BOD1L1: variants seen among roughly 807,000 people sequenced by gnomAD.
BOD1L1 encodes biorientation of chromosomes in cell division 1 like 1.
In BOD1L1, 86 loss-of-function variants were observed where a neutral mutation model predicts 240.7. The observed-to-expected ratio is 0.36, with a 90% CI of 0.30 to 0.43. The LOEUF (loss-of-function observed/expected upper bound fraction) is 0.43. Ranked by LOEUF, BOD1L1 falls within the 20% of genes least tolerant of loss-of-function variation. The probability of loss-of-function intolerance (pLI) is 1.00; values close to 1 mark genes in which losing one functional copy is unlikely to be tolerated. For missense variants in BOD1L1, 3,554 were observed against 3,643.5 expected, an observed-to-expected ratio of 0.98 and a Z score of 0.63; for synonymous variants, 1,268 against 1,272.3, an observed-to-expected ratio of 1.00 and a Z score of 0.07.
Position 13,577,405 on chromosome 4 carries a change from G to C in BOD1L1, c.8882C>G (p.Ala2961Gly), listed in dbSNP as rs1351027019. ...TTAAGAATTTGCTAGAAACATACCA[G>C]CATCATCTGATACAGTGAGAGAACG... ...PKRSLTVSDD[A>G]ESSEPERKRQ... Residue 2961 changes from alanine to glycine, a missense_variant and splice_region_variant, in exon 24 of 26, where the codon GCT becomes GGT. Physicochemically the swap from Ala to Gly is moderately conservative, Grantham distance 60. Around this residue, in one of 2 missense-constraint regions of BOD1L1, gnomAD observed 3,393 missense variants for 3,427.1 expected, o/e 0.99. Transcript: ENST00000040738. 1.9e-6 allele frequency: 3 copies of C among 1,612,824 alleles called. No homozygotes were observed. Among genetic ancestry groups the C allele is most frequent in the South Asian group, 2.2e-5 (2 of 90,748 alleles).
At chr4:13,616,783 G>A (rs1716633432) in intron 2 of BOD1L1, among the ~76,000 whole-genome samples, 1 of 152,076 alleles carries the variant, frequency 6.6e-6, no homozygotes, top group Non-Finnish European at 1.5e-5. Context: ...GTGGGCCATA[G>A]AGAAAAATGA....
intron 2 of BOD1L1, among the ~76,000 whole-genome samples, chr4:13,617,182 T>C (rs1261539830): frequency 6.7e-6 from 1 of 149,360 alleles, no homozygotes; most frequent in African/African-American, 2.5e-5. Flanking sequence ...GAGGCAGAGA[T>C]TGCAGTGAGC....
rs1349598840 is a variant in BOD1L1, at chr4:13,602,279, T to C, written c.4621A>G (p.Thr1541Ala). The change falls in exon 10 of 26, where the codon ACT becomes GCT. Residue 1541 changes from threonine (T) to alanine (A), a missense_variant. This residue lies in a region of BOD1L1 where 3,393 missense variants were observed against 3,427.1 expected (regional missense o/e 0.99). Coordinates refer to ENST00000040738, the MANE Select transcript of BOD1L1 (RefSeq NM_148894.3). ...TCACTTTGTCTTGTTTCTGAAGAAGTGGTTGTGGCAGGCCCAGCCTTCACT... is the reference window on the plus strand; with the variant it reads ...TCACTTTGTCTTGTTTCTGAAGAAGCGGTTGTGGCAGGCCCAGCCTTCACT... ...SPVKAGPATT[T>A]SSETRQSEVA... is the part of the protein sequence containing the mutation. 14 of 1,613,900 alleles carry C rather than the reference T, an allele frequency of 8.7e-6. No homozygotes were observed. The Admixed American group carries it at 1.3e-4, about 15-fold the overall frequency.
At position 13,597,139 on chromosome 4, in the gene BOD1L1, C is replaced by A; in HGVS notation, c.7984G>T (p.Gly2662Ter). ...AAGTTGGCTTTCAGTTTCAATCCTC[C>A]CAAAACATTCAATGGAGACTCTTCA... ...GNEESPLNVL[G>*]GLKLKANLKM... The change falls in exon 11 of 26, where the codon GGA becomes TGA. Residue 2662 changes from glycine to a stop codon, truncating the protein, a stop_gained. Coordinates refer to ENST00000040738, the MANE Select transcript of BOD1L1 (RefSeq NM_148894.3). LOFTEE classifies it high-confidence loss of function. The A allele has an allele frequency of 6.3e-7, 1 of 1,595,722 alleles. No individual in the cohort carries two copies. The highest frequency in any genetic ancestry group is 2.2e-5 in the East Asian group (1 of 44,540).
chr4:13,618,912 C>T (rs935333746), intron 2 of BOD1L1, among the ~76,000 whole-genome samples: 41 of 151,162 alleles, frequency 2.7e-4, no homozygotes, highest in Non-Finnish European at 5.6e-4. Context: ...TGTACTTGAA[C>T]ATAAATACTT....
chr4:13,614,898 A>G, intron 3 of BOD1L1, 88 bp from the exon 4 acceptor site: 1 of 1,300,562 alleles, frequency 7.7e-7, no homozygotes, highest in Non-Finnish European at 1.0e-6. Flanking sequence ...TGTCATCTTT[A>G]TATGATGCAT....
At position 13,570,140 on chromosome 4, in the gene BOD1L1, A is replaced by G. The variant is rs1712081702; in HGVS notation, c.9039-12T>C. On this transcript the variant is annotated splice_polypyrimidine_tract_variant and intron_variant, in intron 25 of 25. Coordinates refer to ENST00000040738, the MANE Select transcript of BOD1L1 (RefSeq NM_148894.3). ...GCTGTGTCTTTGATCTGCATTAAGC[A>G]AAGTCAAGGCAATGGTGAGGTTTAA... 2.6e-6 allele frequency: 4 copies of G among 1,545,612 alleles called. No homozygotes were observed. The highest frequency in any genetic ancestry group is 2.1e-5 in the Admixed American group (1 of 47,098).
rs1438893518 is a variant in BOD1L1, at chr4:13,603,381, A to C, written c.3519T>G (p.Asp1173Glu). ...QKDELRTCTA[D>E]SKATAPAYKP... ...TATAAGCTGGAGCTGTTGCTTTTGAATCTGCTGTGCAAGTTCTCAATTCAT... is the reference window on the plus strand; with the variant it reads ...TATAAGCTGGAGCTGTTGCTTTTGACTCTGCTGTGCAAGTTCTCAATTCAT... The change falls in exon 10 of 26, where the codon GAT (aspartate) becomes GAG (glutamate). Residue 1173 changes from aspartate (D) to glutamate (E), a missense_variant. Physicochemically the swap from Asp to Glu is conservative, Grantham distance 45 (BLOSUM62 2). Transcript: ENST00000040738. The C allele has an allele frequency of 6.2e-7, 1 of 1,613,838 alleles. No individual in the cohort carries two copies. Among genetic ancestry groups the C allele is most frequent in the Non-Finnish European group, 8.5e-7 (1 of 1,179,900 alleles).
At chr4:13,573,426 G>A (rs59334420) in intron 25 of BOD1L1, among the ~76,000 whole-genome samples, 1 of 81,352 alleles carries the variant, frequency 1.2e-5, no homozygotes, top group African/African-American at 3.3e-5. Flanking sequence ...CTATCTGTCT[G>A]TCTGTCTGTC....
In BOD1L1 at chr4:13,627,680, C is replaced by G. The variant is rs1421581064; in HGVS notation, c.-93G>C. 1.1e-5 allele frequency: 11 copies of G among 998,128 alleles called. No homozygotes were observed. Among genetic ancestry groups the G allele is most frequent in the Non-Finnish European group, 1.3e-5 (11 of 835,466 alleles). The allele number at this position is 998,128 out of a possible 1,614,324, so 61.8% of individuals were successfully genotyped here. A position where few individuals can be genotyped will look rare whatever the true frequency, so the allele number is the denominator to read the frequency against. ...GGTCCCGCCGCCTGAGGGAAGCCAA[C>G]GGGATGTTGTTACGGAACCAGCGGA... On this transcript the variant is annotated 5_prime_UTR_variant, in exon 1 of 26. Coordinates refer to ENST00000040738, the MANE Select transcript of BOD1L1 (RefSeq NM_148894.3).
chr4:13,598,951 T>C lies in BOD1L1; in HGVS notation c.7949A>G (p.Asp2650Gly). The C allele has an allele frequency of 6.2e-7, 1 of 1,603,218 alleles. No individual in the cohort carries two copies. Among genetic ancestry groups the C allele is most frequent in the Non-Finnish European group, 8.5e-7 (1 of 1,172,734 alleles). ...VTVSSEENVC[D>G]IGNEESPLNV... The stretch of plus-strand genomic sequence containing the variant: ...AATTAGGTACAGATTCTCACCTATG[T>C]CACACACATTTTCTTCAGAAGACAC... The change falls in exon 10 of 26, where the codon GAC (aspartate) becomes GGC (glycine). Residue 2650 changes from aspartate to glycine, a missense_variant. Physicochemically the swap from Asp to Gly is moderately conservative, Grantham distance 94. Around this residue, in one of 2 missense-constraint regions of BOD1L1, gnomAD observed 3,393 missense variants for 3,427.1 expected, o/e 0.99. Transcript: ENST00000040738.
intron 12 of BOD1L1, among the ~76,000 whole-genome samples, chr4:13,595,136 G>GA (rs1244356619): frequency 6.6e-6 from 1 of 152,036 alleles, no homozygotes; most frequent in Non-Finnish European, 1.5e-5. Flanking sequence ...CATTTTTCAT[G>GA]AAAAAAGAGT....
rs745508973 is a variant in BOD1L1, at chr4:13,569,700, G to C, written c.*311C>G. ...AGGCAGCCTGGCGTCTGATGGGCTG[G>C]AGGGGTTTGCATTCATGATGTGTCA... On this transcript the variant is annotated 3_prime_UTR_variant, in exon 26 of 26. Transcript: ENST00000040738. The C allele has an allele frequency of 5.2e-6, 1 of 194,170 alleles. No homozygotes were observed. Among genetic ancestry groups the C allele is most frequent in the South Asian group, 1.6e-4 (1 of 6,218 alleles). 12.0% of individuals were successfully genotyped at this position (194,170 alleles called of 1,614,324 possible).
At position 13,603,119 on chromosome 4, in the gene BOD1L1, C is replaced by T. The variant is rs1715361902; in HGVS notation, c.3781G>A (p.Ala1261Thr). ...RVQKNLKNTA[A>T]EEHVAQGDAT... is the part of the protein sequence containing the mutation. ...TCTCCTTGAGCAACATGTTCTTCAG[C>T]AGCTGTGTTTTTCAAATTCTTCTGT... The change falls in exon 10 of 26, where the codon GCT becomes ACT. Residue 1261 changes from alanine (A) to threonine (T), a missense_variant. Transcript: ENST00000040738. 1 of 1,614,010 alleles carries T rather than the reference C, an allele frequency of 6.2e-7. No homozygotes were observed. Among genetic ancestry groups the T allele is most frequent in the Non-Finnish European group, 8.5e-7 (1 of 1,179,874 alleles).
chr4:13,611,006 T>C lies in BOD1L1; in HGVS notation c.1419A>G (p.Lys473=). The C allele has an allele frequency of 1.2e-6, 2 of 1,612,680 alleles. No individual in the cohort carries two copies. The highest frequency in any genetic ancestry group is 1.7e-6 in the Non-Finnish European group (2 of 1,179,000). ...TATAGTATTTTGAGTAAAGATATGG[T>C]TTGTGGACATACGCATGCCGTACAC... The part of the protein sequence containing the change: ...TKSVRHAYVH[K]PYLYSKYYSD... Residue 473 remains lysine (K), a synonymous_variant, in exon 6 of 26, where the codon AAA becomes AAG. Transcript: ENST00000040738.
At chr4:13,614,952 C>G in intron 3 of BOD1L1, 142 bp from the exon 4 acceptor site, 1 of 911,414 alleles carries the variant, frequency 1.1e-6, no homozygotes, top group Non-Finnish European at 1.6e-6. Flanking sequence ...CTTTCAGGTA[C>G]CAGTACTAGT....
At chr4:13,591,438 A>G (rs1714207454) in intron 13 of BOD1L1, among the ~76,000 whole-genome samples, 2 of 152,226 alleles carry the variant, frequency 1.3e-5, no homozygotes, top group Admixed American at 1.3e-4. Flanking sequence ...TCCTGGTACA[A>G]TACAAGGTTC....
rs747468318 is a variant in BOD1L1 at position 13,601,990 on chromosome 4, T to G, written c.4910A>C (p.Lys1637Thr). 1.3e-5 allele frequency: 21 copies of G among 1,614,032 alleles called. No individual in the cohort carries two copies. The South Asian group carries it at 2.0e-4, about 15-fold the overall frequency. ...AADLLAVHAV[K>T]IEANVNSVVT... ...AACGCTATTTACATTGGCTTCGATT[T>G]TAACTGCATGCACAGCCAGTAGGTC... The change falls in exon 10 of 26, where the codon AAA (lysine) becomes ACA (threonine). Residue 1637 changes from lysine (K) to threonine (T), a missense_variant. Around this residue, in one of 2 missense-constraint regions of BOD1L1, gnomAD observed 3,393 missense variants for 3,427.1 expected, o/e 0.99. Transcript: ENST00000040738.
chr4:13,599,554 T>G lies in BOD1L1; in HGVS notation c.7346A>C (p.Gln2449Pro). 1 of 1,614,068 alleles carries G rather than the reference T, an allele frequency of 6.2e-7. No homozygotes were observed. Among genetic ancestry groups the G allele is most frequent in the Non-Finnish European group, 8.5e-7 (1 of 1,179,902 alleles). ...PEIGPFAGRG[Q>P]KESTLHLINA... ...TATGAGGTGTAAAGTGCTCTCTTTC[T>G]GTCCTCTTCCTGCAAATGGTCCTAT... Residue 2449 changes from glutamine to proline, a missense_variant, in exon 10 of 26, where the codon CAG becomes CCG. Around this residue, in one of 2 missense-constraint regions of BOD1L1, gnomAD observed 3,393 missense variants for 3,427.1 expected, o/e 0.99. Transcript: ENST00000040738.
Sources: allele counts gnomAD v4.1 joint callset (sites outside exome capture counted in the v4.1 genomes callset), GRCh38; gene constraint gnomAD v4.1.1; regional missense constraint gnomAD v4.1.1; transcripts MANE v1.5; gene names NCBI Gene and HGNC (gene_info 2026-07-23, HGNC 2026-07-21).